The following TNIK variants were observed in gnomAD, a reference collection of about 807,000 sequenced individuals.
The protein encoded by TNIK is TRAF2 and NCK-interacting protein kinase.
In TNIK, 49 loss-of-function variants were observed where a neutral mutation model predicts 191.3. The ratio of observed to expected loss-of-function variants is 0.26; its 90% CI spans 0.20 to 0.32. The LOEUF (loss-of-function observed/expected upper bound fraction) is 0.32, where lower values mean the gene tolerates loss of function less well. TNIK is among the 10% of genes least tolerant of loss of function. The probability of loss-of-function intolerance (pLI) is 1.00; values close to 1 mark genes in which losing one functional copy is unlikely to be tolerated. For synonymous variants in TNIK, 594 were observed against 600.9 expected (o/e 0.99, Z 0.17); for missense variants, 1,155 against 1,702.3 (o/e 0.68, Z 5.66).
chr3:171,271,462 C>T (rs2035913), intron 2 of TNIK, among the ~76,000 whole-genome samples: 68,032 of 151,992 alleles, frequency 0.45, 15,733 homozygotes, highest in African/African-American at 0.49. Context: ...GTCCTGTCTC[C>T]AAGCCTATGC....
intron 2 of TNIK, among the ~76,000 whole-genome samples, chr3:171,239,148 T>C (rs1744652077): frequency 6.6e-6 from 1 of 152,258 alleles, no homozygotes; most frequent in Non-Finnish European, 1.5e-5. Flanking sequence ...TAACTCTTCA[T>C]ACTACGTGTT....
chr3:171,395,761 G>C (rs771078878), intron 1 of TNIK, among the ~76,000 whole-genome samples: 18 of 152,134 alleles, frequency 1.2e-4, no homozygotes, highest in Non-Finnish European at 2.6e-4. Context: ...TAAATTGAAC[G>C]GAGTGAACAT....
At chr3:171,137,107 C>CA (rs1213098778) in intron 15 of TNIK, among the ~76,000 whole-genome samples, 3 of 117,636 alleles carry the variant, frequency 2.6e-5, no homozygotes, top group East Asian at 4.7e-4. Context: ...TTTTAAAAAT[C>CA]CTTTTTTTTT....
At chr3:171,106,605 C>A in intron 21 of TNIK, 1 of 492,412 alleles carries the variant, frequency 2.0e-6, no homozygotes, top group South Asian at 1.5e-5. Context: ...TCTTAGCAAG[C>A]TACCTACAAC....
chr3:171,338,917 C>T (rs1177585752), intron 2 of TNIK, among the ~76,000 whole-genome samples: 1 of 152,134 alleles, frequency 6.6e-6, no homozygotes, highest in East Asian at 1.9e-4. Context: ...GAAGAGCTAA[C>T]GTTTGAATCT....
chr3:171,335,204 C>T (rs556544772), intron 2 of TNIK, among the ~76,000 whole-genome samples: 43 of 152,190 alleles, frequency 2.8e-4, no homozygotes, highest in Admixed American at 1.6e-3. Flanking sequence ...AGACTGTTTG[C>T]GTGCAAGAAA....
intron 2 of TNIK, among the ~76,000 whole-genome samples, chr3:171,265,202 G>T (rs1045358533): frequency 6.6e-6 from 1 of 152,110 alleles, no homozygotes; most frequent in African/African-American, 2.4e-5. Context: ...AAAAGAAAAA[G>T]CTGGCAAATG....
At chr3:171,194,463 A>T in intron 5 of TNIK, 62 bp downstream of exon 5, 2 of 1,429,410 alleles carry the variant, frequency 1.4e-6, no homozygotes, top group South Asian at 1.2e-5. Context: ...TCAATCCCTC[A>T]TAAGATATCA....
At chr3:171,445,591 ACT>A (rs1304700455) in intron 1 of TNIK, among the ~76,000 whole-genome samples, 2 of 152,074 alleles carry the variant, frequency 1.3e-5, no homozygotes, top group African/African-American at 4.8e-5. Flanking sequence ...CAACTGCAGA[ACT>A]CTCTACTACC....
chr3:171,080,081 A>G (rs887691948), intron 27 of TNIK, among the ~76,000 whole-genome samples: 23 of 152,220 alleles, frequency 1.5e-4, no homozygotes, highest in African/African-American at 5.3e-4. Flanking sequence ...ACCTAATAAC[A>G]AACAAGAGGA....
chr3:171,260,692 TA>T (rs1747493304), intron 2 of TNIK, among the ~76,000 whole-genome samples: 1 of 152,228 alleles, frequency 6.6e-6, no homozygotes. Context: ...TGTTTTTAGC[TA>T]AATTTTCAGT....
intron 6 of TNIK, among the ~76,000 whole-genome samples, chr3:171,189,335 C>T (rs1737741509): frequency 6.6e-6 from 1 of 152,064 alleles, no homozygotes; most frequent in Non-Finnish European, 1.5e-5. Flanking sequence ...TTGATGGGCA[C>T]CTGGGTTGCT....
chr3:171,326,951 C>T (rs955578390), intron 2 of TNIK, among the ~76,000 whole-genome samples: 5 of 152,166 alleles, frequency 3.3e-5, no homozygotes, highest in African/African-American at 1.2e-4. Context: ...TCTACTCCTA[C>T]AGGATGCCTA....
In TNIK at chr3:171,082,238, C is replaced by T. The variant is rs779321273; in HGVS notation, c.3313+13G>A. 1 of 1,610,724 alleles carries T rather than the reference C, an allele frequency of 6.2e-7. No homozygotes were observed. Among genetic ancestry groups the T allele is most frequent in the South Asian group, 1.1e-5 (1 of 90,228 alleles). On this transcript the variant is annotated intron_variant, in intron 27 of 32. Coordinates refer to ENST00000436636, the MANE Select transcript of TNIK (RefSeq NM_015028.4). Reference sequence around the variant, plus strand: ...TGTATGGACCTGGGGGACTCATCATCTTAGTAACATACCTGAAATTGTCAC... The same window carrying T: ...TGTATGGACCTGGGGGACTCATCATTTTAGTAACATACCTGAAATTGTCAC...
intron 4 of TNIK, among the ~76,000 whole-genome samples, chr3:171,198,019 T>G (rs2108858622): frequency 6.6e-6 from 1 of 152,172 alleles, no homozygotes; most frequent in Non-Finnish European, 1.5e-5. Flanking sequence ...AAACAAAATG[T>G]CTATCAACAG....
intron 3 of TNIK, chr3:171,225,550 G>C (rs958337537): frequency 6.6e-6 from 3 of 456,442 alleles, no homozygotes; most frequent in African/African-American, 2.0e-5. Flanking sequence ...ACCCTCCTTG[G>C]AAGAACTGAG....
At position 171,157,653 on chromosome 3, in the gene TNIK, T is replaced by C. The variant is rs1301971363; in HGVS notation, c.1028A>G (p.Asn343Ser). 3 of 1,554,348 alleles carry C rather than the reference T, an allele frequency of 1.9e-6. No individual in the cohort carries two copies. The highest frequency in any genetic ancestry group is 1.2e-5 in the South Asian group (1 of 84,132). Reference protein sequence around the residue: ...NDSGEPSSILNLPGESTLRRD... With the variant: ...NDSGEPSSILSLPGESTLRRD... The stretch of plus-strand genomic sequence containing the variant: ...CCGCAGCGTCGACTCCCCTGGCAGA[T>C]TCAGGATGGAGCTGTGGGTAGGAGA... Residue 343 changes from asparagine (N) to serine (S), a missense_variant, in exon 12 of 33, where the codon AAT becomes AGT. Physicochemically the swap from Asn to Ser is conservative, Grantham distance 46. This residue lies in a region of TNIK where 225 missense variants were observed against 438.9 expected (regional missense o/e 0.51). Transcript: ENST00000436636.
chr3:171,206,777 A>C (rs1202024081), intron 4 of TNIK, among the ~76,000 whole-genome samples: 1 of 152,180 alleles, frequency 6.6e-6, no homozygotes, highest in East Asian at 1.9e-4. Flanking sequence ...AAAACATCTC[A>C]GGATCTGCAA....
chr3:171,131,968 GAA>G (rs1432512892), intron 15 of TNIK, among the ~76,000 whole-genome samples: 1 of 152,124 alleles, frequency 6.6e-6, no homozygotes, highest in African/African-American at 2.4e-5. Flanking sequence ...GACAAAAAAA[GAA>G]AGTCTCCCTC....
Sources: gnomAD v4.1 joint callset for allele counts (sites outside exome capture counted in the v4.1 genomes callset) on GRCh38, gnomAD v4.1.1 for gene constraint, gnomAD v4.1.1 regional missense constraint, MANE v1.5 for transcripts, NCBI Gene and HGNC (gene_info 2026-07-23, HGNC 2026-07-21) for gene names.